The following MYO9B variants were observed in gnomAD, a reference collection of about 807,000 sequenced individuals.
MYO9B encodes myosin IXB.
MYO9B carries 71 observed loss-of-function variants against 229.5 expected under a neutral mutation model. The observed-to-expected ratio is 0.31, with a 90% CI of 0.26 to 0.38. The LOEUF is 0.38. MYO9B is among the 10% of genes least tolerant of loss of function. The probability of loss-of-function intolerance (pLI) is 1.00; values close to 1 mark genes in which losing one functional copy is unlikely to be tolerated. For synonymous variants in MYO9B, 1,185 were observed against 1,235.8 expected, an observed-to-expected ratio of 0.96 and a Z score of 0.86; for missense variants, 2,255 against 2,920.5, an observed-to-expected ratio of 0.77 and a Z score of 5.25.
At chr19:17,082,608 C>T (rs1486554920) in intron 1 of MYO9B, among the ~76,000 whole-genome samples, 5 of 151,984 alleles carry the variant, frequency 3.3e-5, no homozygotes, top group Admixed American at 1.3e-4. Context: ...GCTTTAATTT[C>T]CTGGTGAATG....
intron 37 of MYO9B, 112 bp downstream of exon 37, chr19:17,210,492 C>CG (rs1301366026): frequency 1.1e-4 from 152 of 1,357,280 alleles, no homozygotes; most frequent in Non-Finnish European, 1.2e-4. Flanking sequence ...CCTAACCTTC[C>CG]GGAAGTGCAT....
In MYO9B at chr19:17,115,902, T is replaced by A. The variant is rs185966320; in HGVS notation, c.840+13345T>A. On this transcript the variant is annotated intron_variant, in intron 2 of 39. Transcript: ENST00000682292. ...TTTGTATCCGTGCCATAGACATACA[T>A]ACGTATTCATAAACATCCATTTCCC... Among the ~76,000 whole-genome samples the A allele has an allele frequency of 2.3e-4, 35 of 151,502 alleles. No individual in the cohort carries two copies. In the Middle Eastern group the frequency reaches 0.017, roughly 74 times the overall value.
At chr19:17,209,540 C>T (rs754980303) in intron 35 of MYO9B, 46 bp from the exon 36 acceptor site, 11 of 1,549,306 alleles carry the variant, frequency 7.1e-6, no homozygotes, top group East Asian at 2.4e-5. Context: ...TCAGACGTCC[C>T]CGGGGCGGTA....
At chr19:17,180,341 A>ATCTTTTTTTTTTTTTTTTTTTTTTTT in intron 14 of MYO9B, among the ~76,000 whole-genome samples, 1 of 87,984 alleles carries the variant, frequency 1.1e-5, no homozygotes. Context: ...GATGGAAATA[A>ATCTTTTTTTTTTTTTTTTTTTTTTTT]TTTTTTTTTT....
At position 17,154,466 on chromosome 19, in the gene MYO9B, G is replaced by A. The variant is rs548150313; in HGVS notation, c.1199+51G>A. 1.0e-4 allele frequency: 147 copies of A among 1,416,060 alleles called. 1 individual carries two copies. In the Admixed American group the frequency reaches 2.7e-3, roughly 26 times the overall value. The allele number at this position is 1,416,060 out of a possible 1,614,324, so 87.7% of individuals were successfully genotyped here. A position where few individuals can be genotyped will look rare whatever the true frequency, so the allele number is the denominator to read the frequency against. On this transcript the variant is annotated intron_variant, in intron 6 of 39. Transcript: ENST00000682292. ...GTCCCCCAGAGCCTACAGGGGGCAC[G>A]CATGGCCCTTACCAGTCACTCTGAG...
chr19:17,186,030 G>A, intron 18 of MYO9B, 29 bp downstream of exon 18: 1 of 1,601,360 alleles, frequency 6.2e-7, no homozygotes, highest in African/African-American at 1.3e-5. Flanking sequence ...TTTGGGAGGA[G>A]AAGGCCCATG....
chr19:17,188,880 G>A (rs1293863267), intron 19 of MYO9B, among the ~76,000 whole-genome samples: 1 of 151,814 alleles, frequency 6.6e-6, no homozygotes, highest in Non-Finnish European at 1.5e-5. Context: ...GGGCACAGTG[G>A]CTCACACCTA....
intron 1 of MYO9B, among the ~76,000 whole-genome samples, chr19:17,081,612 C>T (rs1052879995): frequency 2.6e-5 from 4 of 151,866 alleles, no homozygotes; most frequent in Admixed American, 1.3e-4. Flanking sequence ...AGTTTGAGAC[C>T]AGCCTGGCCA....
rs397803439 is a variant in MYO9B at position 17,128,226 on chromosome 19, A to AAT, written c.841-17171_841-17170insAT. Among the ~76,000 whole-genome samples, 73 of 147,584 alleles carry AAT rather than the reference A, an allele frequency of 4.9e-4. 1 individual carries two copies. Among genetic ancestry groups the AAT allele is most frequent in the African/African-American group, 1.7e-3 (67 of 39,918 alleles). On this transcript the variant is annotated intron_variant, in intron 2 of 39. Transcript: ENST00000682292. ...ACCCTATCTATACTGAAAAAAAAAA[A>AAT]TTTTTTTTTTTAAATTTAGCAAGGC... is the stretch of plus-strand genomic sequence containing the variant.
At chr19:17,098,950 A>G (rs1216290272) in intron 1 of MYO9B, among the ~76,000 whole-genome samples, 8 of 145,494 alleles carry the variant, frequency 5.5e-5, no homozygotes, top group African/African-American at 1.8e-4. Flanking sequence ...AAAAAAAAGA[A>G]GAAGAAACTG....
At chr19:17,189,888 C>A (rs2072962267) in intron 19 of MYO9B, among the ~76,000 whole-genome samples, 1 of 151,826 alleles carries the variant, frequency 6.6e-6, no homozygotes, top group Admixed American at 6.6e-5. Context: ...ACGGTGAAAC[C>A]CCGTCTCTAC....
At chr19:17,186,816 G>T (rs760205737) in intron 18 of MYO9B, among the ~76,000 whole-genome samples, 32 of 151,752 alleles carry the variant, frequency 2.1e-4, no homozygotes, top group African/African-American at 7.3e-4. Flanking sequence ...CTGCAGCCTC[G>T]ACCTCCCAGG....
chr19:17,103,532 C>A (rs1322285317), intron 2 of MYO9B: 1 of 152,340 alleles, frequency 6.6e-6, no homozygotes, highest in East Asian at 1.9e-4. Context: ...TAGGGGCTGC[C>A]CCTTGTTGTC....
Position 17,175,741 on chromosome 19 carries a change from G to A in MYO9B, c.2219G>A (p.Arg740His), listed in dbSNP as rs761380316. Residue 740 changes from arginine to histidine, a missense_variant and splice_region_variant, in exon 14 of 40, where the codon CGC (arginine) becomes CAC (histidine). Arg to His is a conservative substitution (Grantham distance 29). This residue lies in a region of MYO9B where 155 missense variants were observed against 159.1 expected (regional missense o/e 0.97). Transcript: ENST00000682292. ...GASTPSEKLY[R>H]DLHNQMIKSI... ...AGCACCCCTTCGGAAAAACTTTACC[G>A]GTGAGCAAGACCCTGATTTGCCCAA... is the stretch of plus-strand genomic sequence containing the variant. 21 of 1,572,336 alleles carry A rather than the reference G, an allele frequency of 1.3e-5. No homozygotes were observed. The highest frequency in any genetic ancestry group is 1.6e-5 in the Non-Finnish European group (18 of 1,158,798).
intron 32 of MYO9B, 23 bp from the exon 33 acceptor site, chr19:17,206,225 G>GGGGGCCCCCCC: frequency 2.0e-5 from 31 of 1,564,646 alleles, no homozygotes; most frequent in Non-Finnish European, 2.4e-5. Context: ...CCGCTCACCA[G>GGGGGCCCCCCC]ACCCACCCCA....
chr19:17,188,877 G>A (rs1218069336), intron 19 of MYO9B, among the ~76,000 whole-genome samples: 1 of 151,902 alleles, frequency 6.6e-6, no homozygotes, highest in Non-Finnish European at 1.5e-5. Context: ...GCTGGGCACA[G>A]TGGCTCACAC....
rs756542406 is a variant in MYO9B, at chr19:17,212,098, C to T, written c.6262C>T (p.Arg2088Trp). ...CCTGCCTCGCTGGGCACCGGGTGCC[C>T]GGGAGGCGGCTGCCCCAGTGCGGCG... ...SHLPRWAPGA[R>W]EAAAPVRRRE... is the part of the protein sequence containing the mutation. Residue 2088 changes from arginine to tryptophan, a missense_variant, in exon 40 of 40, where the codon CGG becomes TGG. Around this residue, in one of 7 missense-constraint regions of MYO9B, gnomAD observed 331 missense variants for 332.5 expected, o/e 1.00. Transcript: ENST00000682292. This position sits in a 1 kb window ranked among gnomAD's most constrained non-coding sequence, Gnocchi z 5.4. 93 of 1,588,562 alleles carry T rather than the reference C, an allele frequency of 5.9e-5. No individual in the cohort carries two copies. The highest frequency in any genetic ancestry group is 5.3e-4 in the Admixed American group (29 of 54,686).
Position 17,168,079 on chromosome 19 carries a change from C to A in MYO9B, c.1793+15C>A. 6.2e-7 allele frequency: 1 copy of A among 1,610,924 alleles called. No homozygotes were observed. The highest frequency in any genetic ancestry group is 1.1e-5 in the South Asian group (1 of 90,386). On this transcript the variant is annotated intron_variant, in intron 11 of 39. Transcript: ENST00000682292. ...GAGGAGAGCAAGTGAGTGTCCACAC[C>A]CCGTCCATCCCGGCACATCTACGCA...
chr19:17,129,373 G>T (rs2072165945), intron 2 of MYO9B, among the ~76,000 whole-genome samples: 1 of 152,164 alleles, frequency 6.6e-6, no homozygotes, highest in African/African-American at 2.4e-5. Context: ...CTGCACTCCA[G>T]CTTGGGCGAC....
Sources: gnomAD v4.1 joint callset for allele counts (sites outside exome capture counted in the v4.1 genomes callset) on GRCh38, gnomAD v4.1.1 for gene constraint, gnomAD v4.1.1 regional missense constraint, Gnocchi (gnomAD v3.1) non-coding constraint, MANE v1.5 for transcripts, NCBI Gene and HGNC (gene_info 2026-07-23, HGNC 2026-07-21) for gene names.